LRP1B: variants seen among roughly 807,000 people sequenced by gnomAD.
The protein encoded by LRP1B is low-density lipoprotein receptor-related protein 1B.
A neutral mutation model predicts 556.6 loss-of-function variants in LRP1B; 217 were observed. That is an observed-to-expected ratio of 0.39 (90% confidence interval 0.35 to 0.44). LRP1B has a LOEUF of 0.44. LRP1B is among the 20% of genes least tolerant of loss of function. The probability of loss-of-function intolerance (pLI) is 1.00; values close to 1 mark genes in which losing one functional copy is unlikely to be tolerated. For synonymous variants in LRP1B, 2,047 were observed against 1,865.8 expected, an observed-to-expected ratio of 1.10 and a Z score of -2.50; for missense variants, 5,053 against 5,620.8, an observed-to-expected ratio of 0.90 and a Z score of 3.23.
Position 140,965,191 on chromosome 2 carries a change from G to C in LRP1B, c.2888-13251C>G, listed in dbSNP as rs1696166273. Among the ~76,000 whole-genome samples, 6 of 152,148 alleles carry C rather than the reference G, an allele frequency of 3.9e-5. No individual in the cohort carries two copies. The South Asian group carries it at 1.0e-3, about 26-fold the overall frequency. On this transcript the variant is annotated intron_variant, in intron 18 of 90. Coordinates refer to ENST00000389484, the MANE Select transcript of LRP1B (RefSeq NM_018557.3). ...GGGCTGAATTGTTAGGTATCAAAAA[G>C]GTACATCGAATTCTAACCCCCAGGA...
intron 31 of LRP1B, among the ~76,000 whole-genome samples, 165 bp from the exon 32 acceptor site, chr2:140,813,971 TTTTTA>T (rs1452728966): frequency 6.6e-6 from 1 of 151,996 alleles, no homozygotes; most frequent in Non-Finnish European, 1.5e-5. Flanking sequence ...TGTTTTGGGT[TTTTTA>T]TTTTGTTAAT....
intron 2 of LRP1B, among the ~76,000 whole-genome samples, chr2:141,502,923 G>T (rs1479476040): frequency 6.7e-6 from 1 of 150,310 alleles, no homozygotes; most frequent in Non-Finnish European, 1.5e-5. Flanking sequence ...AAGTTTTAAA[G>T]TCATGAAGGT....
At chr2:142,028,780 C>T (rs993968862) in intron 1 of LRP1B, among the ~76,000 whole-genome samples, 25 of 151,938 alleles carry the variant, frequency 1.6e-4, no homozygotes, top group Non-Finnish European at 1.2e-4. Flanking sequence ...GCACTCTCCT[C>T]AGCAACATAT....
intron 1 of LRP1B, among the ~76,000 whole-genome samples, chr2:142,070,110 C>T (rs1453755431): frequency 6.6e-6 from 1 of 151,746 alleles, no homozygotes; most frequent in Non-Finnish European, 1.5e-5. Flanking sequence ...TTCCCAACAA[C>T]CCGTTTGCAA....
intron 53 of LRP1B, among the ~76,000 whole-genome samples, chr2:140,503,456 T>C (rs1438753946): frequency 2.0e-5 from 3 of 152,110 alleles, no homozygotes; most frequent in African/African-American, 7.2e-5. Context: ...TGGTTAGGTA[T>C]AGTACCAGAA....
At chr2:141,535,935 A>G (rs968149245) in intron 2 of LRP1B, among the ~76,000 whole-genome samples, 2 of 152,152 alleles carry the variant, frequency 1.3e-5, no homozygotes, top group African/African-American at 4.8e-5. Flanking sequence ...TGACAACTGC[A>G]TAGCCTAAGT....
intron 82 of LRP1B, among the ~76,000 whole-genome samples, chr2:140,318,308 A>C (rs998124906): frequency 1.3e-5 from 2 of 152,116 alleles, no homozygotes; most frequent in African/African-American, 2.4e-5. Context: ...TGTTGTTATC[A>C]CTTTGATTAA....
chr2:140,971,292 G>A (rs1029473207), intron 18 of LRP1B, among the ~76,000 whole-genome samples: 11 of 152,096 alleles, frequency 7.2e-5, no homozygotes, highest in Non-Finnish European at 1.0e-4. Context: ...TTGAAGTTAT[G>A]TTGCCCCAAG....
At chr2:140,709,450 G>GGAA (rs70988418) in intron 37 of LRP1B, among the ~76,000 whole-genome samples, 7,047 of 150,968 alleles carry the variant, frequency 0.047, 246 homozygotes, top group South Asian at 0.091. Flanking sequence ...AGGAGCAGGA[G>GGAA]GAAGAAGAAG....
chr2:141,001,487 A>T (rs1697422135), intron 15 of LRP1B, among the ~76,000 whole-genome samples: 1 of 151,980 alleles, frequency 6.6e-6, no homozygotes, highest in Admixed American at 6.6e-5. Context: ...ACCTCACAAC[A>T]GGCGCCAGTG....
intron 1 of LRP1B, among the ~76,000 whole-genome samples, chr2:141,903,802 A>C (rs548826260): frequency 6.6e-6 from 1 of 152,068 alleles, no homozygotes; most frequent in East Asian, 1.9e-4. Flanking sequence ...AACTTTACTA[A>C]ACAGTATTAT....
chr2:140,243,821 C>G (rs1008122497), intron 87 of LRP1B, among the ~76,000 whole-genome samples: 1 of 151,254 alleles, frequency 6.6e-6, no homozygotes. Context: ...GTTGTACCTG[C>G]TGTTCTTTAT....
chr2:141,024,389 G>A (rs1369733372), intron 11 of LRP1B, among the ~76,000 whole-genome samples: 1 of 151,942 alleles, frequency 6.6e-6, no homozygotes, highest in Non-Finnish European at 1.5e-5. Context: ...TATGTAGAGT[G>A]CATATAAGGG....
At chr2:140,649,847 T>TG (rs1684612897) in intron 41 of LRP1B, among the ~76,000 whole-genome samples, 1 of 152,212 alleles carries the variant, frequency 6.6e-6, no homozygotes, top group African/African-American at 2.4e-5. Flanking sequence ...ATAATACACC[T>TG]GGATGGTTAT....
At chr2:140,782,725 CA>C (rs1345037035) in intron 32 of LRP1B, among the ~76,000 whole-genome samples, 2 of 151,904 alleles carry the variant, frequency 1.3e-5, no homozygotes, top group African/African-American at 4.8e-5. Flanking sequence ...ATACAGTCTC[CA>C]AAATCTTCTC....
At chr2:141,239,325 G>C (rs1286451394) in intron 5 of LRP1B, among the ~76,000 whole-genome samples, 1 of 152,182 alleles carries the variant, frequency 6.6e-6, no homozygotes, top group East Asian at 1.9e-4. Context: ...AATAATGTAA[G>C]ATTCATTGAA....
chr2:142,109,870 T>G (rs1295109921), intron 1 of LRP1B, among the ~76,000 whole-genome samples: 2 of 152,164 alleles, frequency 1.3e-5, no homozygotes, highest in African/African-American at 2.4e-5. Flanking sequence ...AAATAATACA[T>G]GCATTAAGCA....
intron 2 of LRP1B, among the ~76,000 whole-genome samples, chr2:141,719,871 G>T (rs1035425441): frequency 1.3e-5 from 2 of 152,088 alleles, no homozygotes; most frequent in African/African-American, 4.8e-5. Flanking sequence ...GTTGGGGAAA[G>T]GTTGAGAAAT....
chr2:141,837,583 T>C lies in LRP1B; in HGVS notation c.83-27182A>G, dbSNP rs187687564. Among the ~76,000 whole-genome samples the C allele has an allele frequency of 4.8e-3, 724 of 152,236 alleles. 2 individuals carry two copies. The highest frequency in any genetic ancestry group is 8.5e-3 in the Non-Finnish European group (581 of 67,984). On this transcript the variant is annotated intron_variant, in intron 1 of 90. Coordinates refer to ENST00000389484, the MANE Select transcript of LRP1B (RefSeq NM_018557.3). ...TTCACCCATATATTCTATAATAATA[T>C]GGCTTTTGTAGTCATAAACTGAATA...
Sources: gnomAD v4.1 joint callset for allele counts (sites outside exome capture counted in the v4.1 genomes callset) on GRCh38, gnomAD v4.1.1 for gene constraint, MANE v1.5 for transcripts, NCBI Gene and HGNC (gene_info 2026-07-23, HGNC 2026-07-21) for gene names.